The following DSCAM variants were observed in gnomAD, a reference collection of about 807,000 sequenced individuals.
DSCAM encodes cell adhesion molecule DSCAM.
In DSCAM, 47 loss-of-function variants were observed where a neutral mutation model predicts 217.7. The ratio of observed to expected loss-of-function variants is 0.22; its 90% CI spans 0.17 to 0.28. The LOEUF (loss-of-function observed/expected upper bound fraction) is 0.28. DSCAM is among the 10% of genes least tolerant of loss of function. The probability of loss-of-function intolerance (pLI) is 1.00; values close to 1 mark genes in which losing one functional copy is unlikely to be tolerated. For synonymous variants in DSCAM, 1,056 were observed against 1,015.3 expected (o/e 1.04, Z -0.76); for missense variants, 2,080 against 2,618.3 (o/e 0.79, Z 4.49).
At chr21:40,124,465 C>T in intron 19 of DSCAM, 137 bp from the exon 20 acceptor site, 3 of 1,083,704 alleles carry the variant, frequency 2.8e-6, no homozygotes, top group Non-Finnish European at 4.0e-6. Flanking sequence ...CTGTGTCCCC[C>T]CAAATGCATA....
intron 3 of DSCAM, among the ~76,000 whole-genome samples, chr21:40,376,610 T>TAG (rs1569093093): frequency 1.4e-3 from 11 of 7,924 alleles, no homozygotes; most frequent in Non-Finnish European, 3.5e-3. Flanking sequence ...CTATATATCT[T>TAG]ATATAGATAT....
At chr21:40,033,310 G>T (rs1568901461) in intron 32 of DSCAM, among the ~76,000 whole-genome samples, 1 of 152,122 alleles carries the variant, frequency 6.6e-6, no homozygotes, top group Non-Finnish European at 1.5e-5. Flanking sequence ...GCAGGTCAGT[G>T]GGTGTGCACA....
intron 3 of DSCAM, among the ~76,000 whole-genome samples, chr21:40,533,568 T>A (rs564465528): frequency 0.09 from 11,887 of 131,950 alleles, 769 homozygotes; most frequent in East Asian, 0.2. Flanking sequence ...CATCCATCCA[T>A]CCATCCATCC....
chr21:40,137,594 T>TACACACAC (rs3988428), intron 18 of DSCAM, among the ~76,000 whole-genome samples: 1 of 134,928 alleles, frequency 7.4e-6, no homozygotes, highest in Non-Finnish European at 1.6e-5. Flanking sequence ...GGCTGTTTAA[T>TACACACAC]ACACACACAC....
At chr21:40,604,172 G>A (rs73368921) in intron 3 of DSCAM, among the ~76,000 whole-genome samples, 15,098 of 151,542 alleles carry the variant, frequency 0.1, 1,060 homozygotes, top group African/African-American at 0.19. Context: ...TTCTCCTGAC[G>A]TATCTTCAAG....
At chr21:40,046,502 TTCACCGAAATGCTAGGAAAG>T (rs2088842913) in intron 30 of DSCAM, among the ~76,000 whole-genome samples, 1 of 152,176 alleles carries the variant, frequency 6.6e-6, no homozygotes, top group Non-Finnish European at 1.5e-5. Flanking sequence ...ATTGGGTTTC[TTCACCGAAATGCTAGGAAAG>T]AGGCCCTCAA....
chr21:40,801,863 G>T (rs2091744625), intron 1 of DSCAM, among the ~76,000 whole-genome samples: 1 of 152,194 alleles, frequency 6.6e-6, no homozygotes, highest in Non-Finnish European at 1.5e-5. Flanking sequence ...AAAAGCTTGG[G>T]GGCCCAGGCA....
intron 3 of DSCAM, among the ~76,000 whole-genome samples, chr21:40,379,368 GA>G: frequency 6.6e-6 from 1 of 152,326 alleles, no homozygotes; most frequent in Admixed American, 6.5e-5. Flanking sequence ...ACACAACATA[GA>G]AGGAGATAAA....
At chr21:40,676,672 G>A (rs2178848) in intron 3 of DSCAM, among the ~76,000 whole-genome samples, 70,132 of 151,868 alleles carry the variant, frequency 0.46, 16,605 homozygotes, top group East Asian at 0.59. Flanking sequence ...AGACTGACAT[G>A]GAAAGTTCGA....
chr21:40,270,894 G>A (rs2073607112), intron 11 of DSCAM, among the ~76,000 whole-genome samples: 1 of 152,156 alleles, frequency 6.6e-6, no homozygotes, highest in Non-Finnish European at 1.5e-5. Context: ...GGTGGCAGTG[G>A]GTGAGGGCAG....
intron 3 of DSCAM, among the ~76,000 whole-genome samples, chr21:40,532,896 GT>G (rs1396738824): frequency 1.5e-3 from 215 of 146,942 alleles, no homozygotes; most frequent in Admixed American, 2.2e-3. Flanking sequence ...GTGTGTGTGT[GT>G]GTGTGTGTGT....
At chr21:40,739,548 T>C (rs2091100846) in intron 1 of DSCAM, among the ~76,000 whole-genome samples, 1 of 152,228 alleles carries the variant, frequency 6.6e-6, no homozygotes, top group Admixed American at 6.5e-5. Flanking sequence ...GTCTTTGTCC[T>C]AATCTCCTCT....
intron 3 of DSCAM, among the ~76,000 whole-genome samples, chr21:40,428,410 A>AC (rs2075497806): frequency 6.6e-6 from 1 of 151,978 alleles, no homozygotes; most frequent in East Asian, 1.9e-4. Context: ...AACTGGGATT[A>AC]CAGGCATGCA....
In DSCAM at chr21:40,012,875, T is replaced by G; in HGVS notation, c.*159A>C. 2 of 529,794 alleles carry G rather than the reference T, an allele frequency of 3.8e-6. No homozygotes were observed. The highest frequency in any genetic ancestry group is 5.9e-6 in the Non-Finnish European group (2 of 340,854). The allele number at this position is 529,794 out of a possible 1,614,324, so 32.8% of individuals were successfully genotyped here. ...CTCAGACAGAAAAAAAGCAGGAGAG[T>G]CTTTGCACTGTCTGTGGTTTCAGTA... On this transcript the variant is annotated 3_prime_UTR_variant, in exon 33 of 33. Transcript: ENST00000400454.
chr21:40,434,821 T>G (rs2075568577), intron 3 of DSCAM, among the ~76,000 whole-genome samples: 1 of 152,080 alleles, frequency 6.6e-6, no homozygotes, highest in Non-Finnish European at 1.5e-5. Flanking sequence ...ATCCAGATAT[T>G]GGGGAGAATG....
chr21:40,597,500 C>CTTTTTT (rs10530311), intron 3 of DSCAM, among the ~76,000 whole-genome samples: 32 of 75,852 alleles, frequency 4.2e-4, no homozygotes, highest in African/African-American at 1.2e-3. Flanking sequence ...CAGTAATAGG[C>CTTTTTT]TTTTTTTTTT....
chr21:40,014,660 T>C (rs977298778), intron 32 of DSCAM, among the ~76,000 whole-genome samples: 3 of 152,138 alleles, frequency 2.0e-5, no homozygotes, highest in African/African-American at 7.2e-5. Flanking sequence ...CTTCGCCTTC[T>C]CCTCTCACAG....
intron 1 of DSCAM, among the ~76,000 whole-genome samples, chr21:40,735,978 C>T (rs778742758): frequency 3.9e-4 from 60 of 152,198 alleles, no homozygotes; most frequent in Non-Finnish European, 8.2e-4. Flanking sequence ...TAGCTCATCC[C>T]CAGGCTACCC....
intron 1 of DSCAM, among the ~76,000 whole-genome samples, chr21:40,837,711 A>G (rs1006160134): frequency 1.4e-4 from 21 of 152,184 alleles, no homozygotes; most frequent in Admixed American, 1.3e-4. Flanking sequence ...AACGAAATAG[A>G]CAAGTGACTA....
Sources: allele counts gnomAD v4.1 joint callset (sites outside exome capture counted in the v4.1 genomes callset), GRCh38; gene constraint gnomAD v4.1.1; transcripts MANE v1.5; gene names NCBI Gene and HGNC (gene_info 2026-07-23, HGNC 2026-07-21).